NKAIN2: variants seen among roughly 807,000 people sequenced by gnomAD.
NKAIN2 encodes sodium/potassium transporting ATPase interacting 2, also known as sodium/potassium-transporting ATPase subunit beta-1-interacting protein 2.
In NKAIN2, 14 loss-of-function variants were observed where a neutral mutation model predicts 32.6. The observed-to-expected ratio is 0.43, with a 90% CI of 0.28 to 0.67. The LOEUF (loss-of-function observed/expected upper bound fraction) is 0.67. Among genes scored for constraint, NKAIN2 ranks in the 30% least tolerant of loss-of-function variants. The pLI, the probability that NKAIN2 is intolerant of heterozygous loss-of-function variation, is 0.17. For synonymous variants in NKAIN2, 80 were observed against 87.2 expected (o/e 0.92, Z 0.46); for missense variants, 198 against 258.3 (o/e 0.77, Z 1.60).
chr6:124,506,194 A>G (rs1334802964), intron 3 of NKAIN2, among the ~76,000 whole-genome samples: 1 of 152,102 alleles, frequency 6.6e-6, no homozygotes, highest in Non-Finnish European at 1.5e-5. Context: ...AAAAAAGAAA[A>G]AAAAAGATTG....
At chr6:123,970,487 C>A (rs902862467) in intron 1 of NKAIN2, among the ~76,000 whole-genome samples, 6 of 152,120 alleles carry the variant, frequency 3.9e-5, no homozygotes, top group Non-Finnish European at 8.8e-5. Context: ...CCAGAATCAG[C>A]CTTTGACTTT....
At chr6:124,676,691 G>A (rs903545631) in intron 4 of NKAIN2, among the ~76,000 whole-genome samples, 4 of 152,026 alleles carry the variant, frequency 2.6e-5, no homozygotes, top group Non-Finnish European at 4.4e-5. Flanking sequence ...CCTCAAAATC[G>A]TGAGCTGAAA....
At chr6:124,112,388 C>G (rs1290928764) in intron 1 of NKAIN2, among the ~76,000 whole-genome samples, 2 of 152,112 alleles carry the variant, frequency 1.3e-5, no homozygotes, top group East Asian at 3.9e-4. Flanking sequence ...GAATATATCA[C>G]CTCATCTTCT....
At chr6:124,664,729 G>A (rs184618643) in intron 4 of NKAIN2, among the ~76,000 whole-genome samples, 2,037 of 138,248 alleles carry the variant, frequency 0.015, 23 homozygotes, top group Middle Eastern at 0.024. Context: ...GGGAGGCGGA[G>A]CTTGCAGTGA....
At chr6:124,723,748 A>G (rs1776139993) in intron 4 of NKAIN2, among the ~76,000 whole-genome samples, 1 of 152,250 alleles carries the variant, frequency 6.6e-6, no homozygotes, top group African/African-American at 2.4e-5. Context: ...AAGAAGCTTT[A>G]GCTTATGCCA....
intron 3 of NKAIN2, among the ~76,000 whole-genome samples, chr6:124,652,437 C>G (rs1396780723): frequency 6.6e-6 from 1 of 152,166 alleles, no homozygotes; most frequent in Admixed American, 6.5e-5. Context: ...GCATTCATTT[C>G]AAAACTGTTT....
chr6:124,697,888 G>A (rs1004368645), intron 4 of NKAIN2, among the ~76,000 whole-genome samples: 2 of 152,050 alleles, frequency 1.3e-5, no homozygotes, highest in African/African-American at 4.8e-5. Context: ...AATCCATCTT[G>A]GTGGCTGGTC....
intron 3 of NKAIN2, among the ~76,000 whole-genome samples, chr6:124,562,349 G>A (rs1780727122): frequency 6.6e-6 from 1 of 152,226 alleles, no homozygotes; most frequent in East Asian, 1.9e-4. Flanking sequence ...CAACAGACTT[G>A]GCCTGCCTGC....
chr6:124,265,252 C>A lies in NKAIN2; in HGVS notation c.55-17753C>A, dbSNP rs77330669. On this transcript the variant is annotated intron_variant, in intron 1 of 6. Transcript: ENST00000368417. Reference sequence around the variant, plus strand: ...ATCATGTCTATGTATTTATTAGGTTCATGTTTGCTATCCATGTCTATTTTT... The same window carrying A: ...ATCATGTCTATGTATTTATTAGGTTAATGTTTGCTATCCATGTCTATTTTT... 7.3e-3 allele frequency among the ~76,000 whole-genome samples: 1,115 copies of A among 151,822 alleles called. 47 individuals carry two copies. Among genetic ancestry groups the A allele is most frequent in the Admixed American group, 0.061 (936 of 15,244 alleles).
At chr6:124,037,243 AAAT>A (rs1250388022) in intron 1 of NKAIN2, among the ~76,000 whole-genome samples, 1 of 152,152 alleles carries the variant, frequency 6.6e-6, no homozygotes, top group East Asian at 1.9e-4. Context: ...TAGATTCATA[AAAT>A]TTAGAAGATT....
At chr6:123,879,529 C>T (rs549033908) in intron 1 of NKAIN2, among the ~76,000 whole-genome samples, 1 of 151,772 alleles carries the variant, frequency 6.6e-6, no homozygotes, top group Non-Finnish European at 1.5e-5. Flanking sequence ...CAGCTCTGCT[C>T]CTGGTGATCA....
chr6:123,868,025 C>T (rs935303974), intron 1 of NKAIN2, among the ~76,000 whole-genome samples: 10 of 152,168 alleles, frequency 6.6e-5, no homozygotes, highest in East Asian at 5.8e-4. Flanking sequence ...CACACCACCA[C>T]ACCCGGCTAA....
intron 6 of NKAIN2, among the ~76,000 whole-genome samples, chr6:124,822,443 G>T (rs1018425075): frequency 9.9e-5 from 15 of 152,270 alleles, no homozygotes; most frequent in African/African-American, 3.1e-4. Context: ...ATGTTGAAAA[G>T]CAATAGGCAT....
At chr6:123,821,495 T>C (rs1773920691) in intron 1 of NKAIN2, among the ~76,000 whole-genome samples, 1 of 152,084 alleles carries the variant, frequency 6.6e-6, no homozygotes, top group South Asian at 2.1e-4. Flanking sequence ...ACTCAGAGAG[T>C]TGGAAATCAC....
chr6:124,003,801 A>C lies in NKAIN2; in HGVS notation c.54+199547A>C, dbSNP rs1010186708. 3.9e-5 allele frequency among the ~76,000 whole-genome samples: 6 copies of C among 152,258 alleles called. No homozygotes were observed. In the East Asian group the frequency reaches 1.2e-3, roughly 29 times the overall value. On this transcript the variant is annotated intron_variant, in intron 1 of 6. Coordinates refer to ENST00000368417, the MANE Select transcript of NKAIN2 (RefSeq NM_001040214.3). ...GGCAGCAAAACAGCTGCAGGGGCTC[A>C]AGATGGGGCAGCAGGGATCTCAACA... is the stretch of plus-strand genomic sequence containing the variant.
intron 3 of NKAIN2, among the ~76,000 whole-genome samples, chr6:124,450,485 A>T (rs952074373): frequency 5.3e-5 from 8 of 151,908 alleles, no homozygotes; most frequent in South Asian, 2.1e-4. Flanking sequence ...TAATAATCCA[A>T]ATCAACACTG....
chr6:123,955,773 A>G lies in NKAIN2; in HGVS notation c.54+151519A>G, dbSNP rs542674136. 9.9e-5 allele frequency among the ~76,000 whole-genome samples: 15 copies of G among 152,106 alleles called. No homozygotes were observed. In the South Asian group the frequency reaches 3.1e-3, roughly 32 times the overall value. On this transcript the variant is annotated intron_variant, in intron 1 of 6. Transcript: ENST00000368417. ...CCTGAGTATCTGGGACTGCAAGCGT[A>G]TGCCATCACACCTGAATAACTTAAA...
chr6:124,634,948 T>C (rs1783713581), intron 3 of NKAIN2, among the ~76,000 whole-genome samples: 1 of 146,410 alleles, frequency 6.8e-6, no homozygotes, highest in African/African-American at 2.5e-5. Flanking sequence ...TGAGGTAATA[T>C]ATTCAAAGTG....
At chr6:124,710,978 C>G (rs916244536) in intron 4 of NKAIN2, among the ~76,000 whole-genome samples, 23 of 149,520 alleles carry the variant, frequency 1.5e-4, no homozygotes, top group South Asian at 1.1e-3. Context: ...CGGGTTGTTC[C>G]TTTCCATGTT....
Sources: gnomAD v4.1 joint callset for allele counts (sites outside exome capture counted in the v4.1 genomes callset) on GRCh38, gnomAD v4.1.1 for gene constraint, MANE v1.5 for transcripts, NCBI Gene and HGNC (gene_info 2026-07-23, HGNC 2026-07-21) for gene names.